CUL1: variants seen among roughly 807,000 people sequenced by gnomAD.
CUL1 encodes cullin 1, also known as cullin-1.
Under a neutral mutation model 118.0 loss-of-function variants are expected in CUL1, and 24 were observed. The observed-to-expected ratio is 0.20, with a 90% CI of 0.15 to 0.29. The LOEUF is 0.29. Among genes scored for constraint, CUL1 ranks in the 10% least tolerant of loss-of-function variants. CUL1 has a pLI of 1.00. For missense variants in CUL1, 361 were observed against 933.8 expected (o/e 0.39, Z 7.99); for synonymous variants, 332 against 340.4 (o/e 0.98, Z 0.27).
At chr7:148,788,096 G>A (rs996914848) in intron 13 of CUL1, among the ~76,000 whole-genome samples, 1 of 152,142 alleles carries the variant, frequency 6.6e-6, no homozygotes, top group Non-Finnish European at 1.5e-5. Context: ...CAGAGAGAGA[G>A]TGCAGAGCTC....
Position 148,757,154 on chromosome 7 carries a change from A to G in CUL1, c.483+4A>G. The G allele has an allele frequency of 1.3e-6, 2 of 1,486,894 alleles. No homozygotes were observed. Among genetic ancestry groups the G allele is most frequent in the Non-Finnish European group, 1.8e-6 (2 of 1,113,976 alleles). The allele number at this position is 1,486,894 out of a possible 1,614,324, so 92.1% of individuals were successfully genotyped here. A position where few individuals can be genotyped will look rare whatever the true frequency, so the allele number is the denominator to read the frequency against. On this transcript the variant is annotated splice_donor_region_variant and intron_variant, in intron 4 of 21. Coordinates refer to ENST00000325222, the MANE Select transcript of CUL1 (RefSeq NM_003592.3). ...AGGAATATATGAAATCTATTCGGTA[A>G]GAGTTTTGTTTTAAAACGTTTTAAA...
At position 148,797,999 on chromosome 7, in the gene CUL1, A is replaced by G; in HGVS notation, c.2010A>G (p.Lys670=). ...EVELKPDTLI[K]LYLGYKNKKL... The stretch of plus-strand genomic sequence containing the variant: ...AATTGAAGCCAGATACCTTAATAAA[A>G]TTATATCTTGGTTATAAAAAGTAAG... The change falls in exon 19 of 22, where the codon AAA becomes AAG. Residue 670 remains lysine (K), a synonymous_variant. Coordinates refer to ENST00000325222, the MANE Select transcript of CUL1 (RefSeq NM_003592.3). 1 of 1,606,260 alleles carries G rather than the reference A, an allele frequency of 6.2e-7. No individual in the cohort carries two copies.
intron 7 of CUL1, among the ~76,000 whole-genome samples, chr7:148,760,838 C>T (rs1309673000): frequency 1.3e-5 from 2 of 152,138 alleles, no homozygotes; most frequent in Admixed American, 6.5e-5. Context: ...TTCAGATTTG[C>T]AAACTTTAAT....
At chr7:148,728,477 C>T (rs1443192796) in intron 1 of CUL1, among the ~76,000 whole-genome samples, 1 of 152,062 alleles carries the variant, frequency 6.6e-6, no homozygotes, top group Non-Finnish European at 1.5e-5. Context: ...ACCACCAGTC[C>T]AAAACATGGT....
intron 4 of CUL1, 66 bp downstream of exon 4, chr7:148,757,216 T>C: frequency 3.7e-6 from 4 of 1,091,622 alleles, no homozygotes; most frequent in Non-Finnish European, 4.9e-6. Context: ...TGGCAAATTG[T>C]CTTTCAGCAA....
intron 2 of CUL1, among the ~76,000 whole-genome samples, chr7:148,753,052 G>A (rs2129460319): frequency 6.6e-6 from 1 of 152,228 alleles, no homozygotes; most frequent in Non-Finnish European, 1.5e-5. Context: ...GTTTTAGCTT[G>A]TATATTTTAA....
At chr7:148,776,617 G>T (rs148332795) in intron 9 of CUL1, among the ~76,000 whole-genome samples, 1 of 151,764 alleles carries the variant, frequency 6.6e-6, no homozygotes, top group Non-Finnish European at 1.5e-5. Context: ...ACGTCCGGCC[G>T]AGGCTGTCAT....
chr7:148,766,614 A>G lies in CUL1; in HGVS notation c.843A>G (p.Glu281=). The change falls in exon 8 of 22, where the codon GAA becomes GAG. Residue 281 remains glutamate (E), a synonymous_variant. Coordinates refer to ENST00000325222, the MANE Select transcript of CUL1 (RefSeq NM_003592.3). The part of the protein sequence containing the change: ...EQRRVQVYLH[E]STQDELARKC... ...GAAGAGTTCAGGTTTACCTTCATGA[A>G]AGCACACAAGATGAATTAGCAAGGA... is the stretch of plus-strand genomic sequence containing the variant. 6.2e-7 allele frequency: 1 copy of G among 1,613,954 alleles called. No individual in the cohort carries two copies.
chr7:148,707,222 AT>A (rs1349136023), intron 1 of CUL1, among the ~76,000 whole-genome samples: 3 of 152,012 alleles, frequency 2.0e-5, no homozygotes, highest in Non-Finnish European at 2.9e-5. Context: ...TGATGTGTTC[AT>A]TTTTTTCTCT....
At chr7:148,766,522 A>C in intron 7 of CUL1, 39 bp from the exon 8 acceptor site, 1 of 1,538,390 alleles carries the variant, frequency 6.5e-7, no homozygotes, top group Non-Finnish European at 8.8e-7. Context: ...GTTCTTTACC[A>C]ATGAATCAAA....
At chr7:148,741,620 G>A (rs1016296100) in intron 2 of CUL1, among the ~76,000 whole-genome samples, 4 of 143,112 alleles carry the variant, frequency 2.8e-5, no homozygotes, top group Admixed American at 2.8e-4. Flanking sequence ...GGTGTTTGTA[G>A]TAGAGACAGG....
At position 148,776,350 on chromosome 7, in the gene CUL1, T is replaced by G. The variant is rs1800401057; in HGVS notation, c.1084-7433T>G. Among the ~76,000 whole-genome samples, 4 of 120,630 alleles carry G rather than the reference T, an allele frequency of 3.3e-5. No homozygotes were observed. In the Admixed American group the frequency reaches 4.1e-4, roughly 12 times the overall value. The allele number at this position is 120,630 out of a possible 152,430, so 79.1% of individuals were successfully genotyped here. Reference sequence around the variant, plus strand: ...TTTTTTTTTTGAGATGGAGTCTCACTCTTTCACCCAGGCTGGAGTGCAGTG... The same window carrying G: ...TTTTTTTTTTGAGATGGAGTCTCACGCTTTCACCCAGGCTGGAGTGCAGTG... On this transcript the variant is annotated intron_variant, in intron 9 of 21. Transcript: ENST00000325222.
At chr7:148,753,729 T>TC (rs1799568192) in intron 2 of CUL1, among the ~76,000 whole-genome samples, 1 of 152,156 alleles carries the variant, frequency 6.6e-6, no homozygotes, top group Non-Finnish European at 1.5e-5. Context: ...GCAACCTCCC[T>TC]CCTGGAATGT....
intron 1 of CUL1, among the ~76,000 whole-genome samples, chr7:148,723,017 G>A (rs73467412): frequency 0.012 from 1,883 of 152,318 alleles, 39 homozygotes; most frequent in African/African-American, 0.043. Flanking sequence ...TTCTACTAAA[G>A]TAATAGTTAG....
intron 2 of CUL1, among the ~76,000 whole-genome samples, chr7:148,739,821 T>A (rs1410505254): frequency 1.3e-5 from 2 of 152,212 alleles, no homozygotes; most frequent in African/African-American, 4.8e-5. Context: ...ATATATTTTG[T>A]GTTTTCCTCA....
In CUL1 at chr7:148,797,832, A is replaced by G; in HGVS notation, c.1920A>G (p.Leu640=). The change falls in exon 18 of 22, where the codon TTA becomes TTG. Residue 640 remains leucine (L), a synonymous_variant. Coordinates refer to ENST00000325222, the MANE Select transcript of CUL1 (RefSeq NM_003592.3). Reference sequence around the variant, plus strand: ...TGCAGGACATTTTGGCGCAAGTTTTACAGATTTTATTAAAGTCGAAGCTAT... The same window carrying G: ...TGCAGGACATTTTGGCGCAAGTTTTGCAGATTTTATTAAAGTCGAAGCTAT... The part of the protein sequence containing the change: ...QIKMDILAQV[L]QILLKSKLLV... 1 of 1,613,182 alleles carries G rather than the reference A, an allele frequency of 6.2e-7. No individual in the cohort carries two copies. Among genetic ancestry groups the G allele is most frequent in the Non-Finnish European group, 8.5e-7 (1 of 1,179,780 alleles).
chr7:148,732,594 C>G (rs970040696), intron 2 of CUL1, among the ~76,000 whole-genome samples: 1 of 152,006 alleles, frequency 6.6e-6, no homozygotes, highest in Non-Finnish European at 1.5e-5. Context: ...CCTGGCTTGG[C>G]CTTCCAAAGG....
At chr7:148,719,094 G>A (rs182431196) in intron 1 of CUL1, among the ~76,000 whole-genome samples, 2 of 152,072 alleles carry the variant, frequency 1.3e-5, no homozygotes, top group African/African-American at 4.8e-5. Flanking sequence ...GGCGGATCAC[G>A]AGTTCAGGAG....
intron 1 of CUL1, among the ~76,000 whole-genome samples, chr7:148,720,182 T>A (rs1798355415): frequency 6.6e-6 from 1 of 152,140 alleles, no homozygotes; most frequent in African/African-American, 2.4e-5. Flanking sequence ...ACGCAGCGTA[T>A]AGAAGAAGGT....
Sources: gnomAD v4.1 joint callset for allele counts (sites outside exome capture counted in the v4.1 genomes callset) on GRCh38, gnomAD v4.1.1 for gene constraint, MANE v1.5 for transcripts, NCBI Gene and HGNC (gene_info 2026-07-23, HGNC 2026-07-21) for gene names.